FHIT: variants seen among roughly 807,000 people sequenced by gnomAD.
FHIT encodes the protein bis(5'-adenosyl)-triphosphatase.
In FHIT, 19 loss-of-function variants were observed where a neutral mutation model predicts 17.9. The ratio of observed to expected loss-of-function variants is 1.06; its 90% CI spans 0.74 to 1.56. The LOEUF (loss-of-function observed/expected upper bound fraction) is 1.56, where lower values mean the gene tolerates loss of function less well. FHIT is among the 40% of genes most tolerant of loss of function. The probability of loss-of-function intolerance (pLI) is 0.00; values close to 1 mark genes in which losing one functional copy is unlikely to be tolerated. For synonymous variants in FHIT, 81 were observed against 69.7 expected, an observed-to-expected ratio of 1.16 and a Z score of -0.81; for missense variants, 248 against 189.2, an observed-to-expected ratio of 1.31 and a Z score of -1.82.
At position 59,973,480 on chromosome 3, in the gene FHIT, C is replaced by T. The variant is rs886652464; in HGVS notation, c.279+37891G>A. Among the ~76,000 whole-genome samples the T allele has an allele frequency of 2.0e-5, 3 of 152,106 alleles. No homozygotes were observed. The East Asian group carries it at 5.8e-4, about 29-fold the overall frequency. On this transcript the variant is annotated intron_variant, in intron 7 of 9. Transcript: ENST00000492590. ...CCTCTGTCTCTGCCTTCACTGACACCTATTCATCCCTTACAACCCAATTCA... is the reference window on the plus strand; with the variant it reads ...CCTCTGTCTCTGCCTTCACTGACACTTATTCATCCCTTACAACCCAATTCA...
At chr3:60,974,709 T>C (rs1487558368) in intron 3 of FHIT, among the ~76,000 whole-genome samples, 2 of 152,130 alleles carry the variant, frequency 1.3e-5, no homozygotes, top group East Asian at 1.9e-4. Context: ...AGAACAAAAC[T>C]GAAAAGACGC....
intron 4 of FHIT, among the ~76,000 whole-genome samples, chr3:60,654,385 G>A (rs1471236531): frequency 6.6e-6 from 1 of 152,064 alleles, no homozygotes; most frequent in Non-Finnish European, 1.5e-5. Context: ...GAGCAATGGG[G>A]ACATCTCAGG....
At chr3:59,749,997 T>TAAAG in intron 9 of FHIT, 1 of 222,980 alleles carries the variant, frequency 4.5e-6, no homozygotes, top group Non-Finnish European at 8.9e-6. Flanking sequence ...ACAAAACCTT[T>TAAAG]AAAGAGAAAT....
chr3:60,912,507 A>G (rs1300174428), intron 3 of FHIT, among the ~76,000 whole-genome samples: 1 of 152,234 alleles, frequency 6.6e-6, no homozygotes, highest in Non-Finnish European at 1.5e-5. Flanking sequence ...CCACTTTGGC[A>G]TGAGGATTAT....
intron 5 of FHIT, among the ~76,000 whole-genome samples, chr3:60,146,688 C>T (rs530772770): frequency 4.0e-4 from 61 of 152,210 alleles, no homozygotes; most frequent in African/African-American, 1.4e-3. Context: ...TGTAGCCCTC[C>T]TAAGAAAGAA....
intron 5 of FHIT, among the ~76,000 whole-genome samples, chr3:60,128,507 T>C (rs1378700895): frequency 6.6e-6 from 1 of 152,214 alleles, no homozygotes; most frequent in African/African-American, 2.4e-5. Context: ...CAGTCTCGGA[T>C]ATGTCTATTA....
intron 5 of FHIT, among the ~76,000 whole-genome samples, chr3:60,156,299 G>T (rs958274030): frequency 6.6e-6 from 1 of 150,570 alleles, no homozygotes. Flanking sequence ...GCAGTGAGCC[G>T]AGATTGTGCC....
chr3:61,236,904 T>G (rs2040243116), intron 1 of FHIT, among the ~76,000 whole-genome samples: 1 of 152,114 alleles, frequency 6.6e-6, no homozygotes, highest in Non-Finnish European at 1.5e-5. Flanking sequence ...GAACCCACAA[T>G]GAAGACAGGA....
chr3:60,896,873 A>G (rs575174906), intron 3 of FHIT, among the ~76,000 whole-genome samples: 1 of 152,354 alleles, frequency 6.6e-6, no homozygotes, highest in Admixed American at 6.5e-5. Flanking sequence ...AAAGGTATTC[A>G]GAGAAGTACT....
intron 3 of FHIT, among the ~76,000 whole-genome samples, chr3:61,001,062 C>T (rs775805770): frequency 1.3e-5 from 2 of 151,702 alleles, no homozygotes; most frequent in East Asian, 1.9e-4. Context: ...AAAAAATATT[C>T]GACATCATTA....
chr3:59,805,168 C>A (rs1474321549), intron 8 of FHIT, among the ~76,000 whole-genome samples: 1 of 152,096 alleles, frequency 6.6e-6, no homozygotes. Context: ...GCTCTGTGGG[C>A]ACTTACTCCT....
intron 4 of FHIT, among the ~76,000 whole-genome samples, chr3:60,742,641 C>A (rs1277643010): frequency 6.6e-6 from 1 of 152,210 alleles, no homozygotes; most frequent in East Asian, 1.9e-4. Context: ...AACCAGCATT[C>A]TGCTTTTAGG....
intron 3 of FHIT, among the ~76,000 whole-genome samples, chr3:60,856,165 A>C: frequency 6.6e-6 from 1 of 152,154 alleles, no homozygotes; most frequent in African/African-American, 2.4e-5. Flanking sequence ...CAAAATGGTA[A>C]TGCATTCGAG....
intron 5 of FHIT, among the ~76,000 whole-genome samples, chr3:60,023,379 G>A (rs1337182120): frequency 1.3e-5 from 2 of 152,188 alleles, no homozygotes; most frequent in African/African-American, 2.4e-5. Context: ...TGAATGAGGG[G>A]AGTGCCCTGA....
chr3:60,210,936 A>G (rs1703421882), intron 5 of FHIT, among the ~76,000 whole-genome samples: 1 of 152,134 alleles, frequency 6.6e-6, no homozygotes, highest in Non-Finnish European at 1.5e-5. Flanking sequence ...GATAAAATAT[A>G]TGTTTGCACA....
At chr3:60,511,027 T>C (rs1239536513) in intron 5 of FHIT, among the ~76,000 whole-genome samples, 1 of 152,132 alleles carries the variant, frequency 6.6e-6, no homozygotes, top group African/African-American at 2.4e-5. Flanking sequence ...GAGTAGCTAT[T>C]TTATTATTAA....
chr3:59,920,613 A>G (rs1275962068), intron 8 of FHIT, among the ~76,000 whole-genome samples: 1 of 152,202 alleles, frequency 6.6e-6, no homozygotes, highest in African/African-American at 2.4e-5. Flanking sequence ...CAGCCTAAGG[A>G]AACAGTGTTT....
intron 5 of FHIT, among the ~76,000 whole-genome samples, chr3:60,279,443 G>A (rs1293734971): frequency 6.6e-6 from 1 of 151,716 alleles, no homozygotes; most frequent in African/African-American, 2.4e-5. Context: ...TAATAAATTG[G>A]GTCCAGACAA....
intron 2 of FHIT, among the ~76,000 whole-genome samples, chr3:61,099,972 G>A (rs2035766395): frequency 6.6e-6 from 1 of 152,046 alleles, no homozygotes; most frequent in South Asian, 2.1e-4. Flanking sequence ...GCTGATGCTT[G>A]TTATTGTTGT....
Sources: allele counts gnomAD v4.1 joint callset (sites outside exome capture counted in the v4.1 genomes callset), GRCh38; gene constraint gnomAD v4.1.1; transcripts MANE v1.5; gene names NCBI Gene and HGNC (gene_info 2026-07-23, HGNC 2026-07-21).